SDHC: variants seen among roughly 807,000 people sequenced by gnomAD.
SDHC encodes the protein succinate dehydrogenase complex subunit C.
In SDHC, 11 loss-of-function variants were observed where a neutral mutation model predicts 22.6. The observed-to-expected ratio is 0.49, with a 90% confidence interval of 0.31 to 0.81. The LOEUF is 0.81. Among genes scored for constraint, SDHC ranks in the 30% least tolerant of loss-of-function variants. The probability of loss-of-function intolerance (pLI) is 0.05; values close to 1 mark genes in which losing one functional copy is unlikely to be tolerated. For synonymous variants in SDHC, 80 were observed against 77.8 expected (o/e 1.03, Z -0.15); for missense variants, 160 against 212.0 (o/e 0.75, Z 1.52).
intron 5 of SDHC, among the ~76,000 whole-genome samples, chr1:161,357,767 T>C (rs963462357): frequency 6.6e-6 from 1 of 152,228 alleles, no homozygotes; most frequent in Admixed American, 6.5e-5. Context: ...GTTTATGACA[T>C]AAATATTAAT....
rs1671723823 is a variant in SDHC, at chr1:161,341,739, C to G, written c.241+1084C>G. ...CTCCTACCCCCACCAAAAACAGAAA[C>G]AAAAACTAGATTATGTTCCCTGGAT... On this transcript the variant is annotated intron_variant, in intron 4 of 5. Transcript: ENST00000367975. Among the ~76,000 whole-genome samples the G allele has an allele frequency of 3.3e-5, 5 of 152,262 alleles. No individual in the cohort carries two copies. The South Asian group carries it at 1.0e-3, about 32-fold the overall frequency.
chr1:161,342,533 A>G (rs1671757302), intron 4 of SDHC, among the ~76,000 whole-genome samples: 1 of 147,068 alleles, frequency 6.8e-6, no homozygotes, highest in African/African-American at 2.5e-5. Flanking sequence ...TTTGAGACAG[A>G]GTTTCGCTCT....
chr1:161,346,341 TCTA>T (rs1250369909), intron 4 of SDHC, among the ~76,000 whole-genome samples: 1 of 152,152 alleles, frequency 6.6e-6, no homozygotes, highest in Non-Finnish European at 1.5e-5. Flanking sequence ...ATATATAGTC[TCTA>T]CTCTCAAGGA....
At chr1:161,346,936 A>G (rs1021879090) in intron 4 of SDHC, among the ~76,000 whole-genome samples, 1 of 152,222 alleles carries the variant, frequency 6.6e-6, no homozygotes, top group Non-Finnish European at 1.5e-5. Flanking sequence ...CTATGTAAAT[A>G]GTTATATTGT....
Position 161,356,668 on chromosome 1 carries a change from T to C in SDHC, c.242-9T>C. ...GCAGCTGTGACAAGCTACTTGGTTT[T>C]CTCCTCAGGGGTCTCTCTTTTTGGC... On this transcript the variant is annotated splice_polypyrimidine_tract_variant and intron_variant, in intron 4 of 5. Transcript: ENST00000367975. 1 of 1,613,776 alleles carries C rather than the reference T, an allele frequency of 6.2e-7. No homozygotes were observed. The highest frequency in any genetic ancestry group is 8.5e-7 in the Non-Finnish European group (1 of 1,179,856).
chr1:161,321,543 A>G (rs1670838103), intron 1 of SDHC, among the ~76,000 whole-genome samples: 1 of 152,188 alleles, frequency 6.6e-6, no homozygotes, highest in South Asian at 2.1e-4. Flanking sequence ...CGTGCCCTGC[A>G]ACTTCAGAGT....
In SDHC at chr1:161,356,852, C is replaced by A. The variant is rs575479448; in HGVS notation, c.405+12C>A. ...GGATCCGACACTTGGTAAGTTAATT[C>A]GGGATTTGCACATTTTCTCTGTGAA... On this transcript the variant is annotated intron_variant, in intron 5 of 5. Transcript: ENST00000367975. The A allele has an allele frequency of 1.9e-6, 3 of 1,612,808 alleles. No homozygotes were observed. In the South Asian group the frequency reaches 3.3e-5, roughly 18 times the overall value.
chr1:161,354,551 A>T (rs1473233337), intron 4 of SDHC, among the ~76,000 whole-genome samples: 1 of 149,978 alleles, frequency 6.7e-6, no homozygotes, highest in Non-Finnish European at 1.5e-5. Context: ...TGATGTGGGT[A>T]CTCTTTTTTG....
chr1:161,336,767 G>GA (rs769408126), intron 3 of SDHC, among the ~76,000 whole-genome samples: 2 of 152,182 alleles, frequency 1.3e-5, no homozygotes, highest in South Asian at 2.1e-4. Flanking sequence ...AAGAGGCCTG[G>GA]AAGTAAATGG....
At chr1:161,338,729 G>C (rs1306806142) in intron 3 of SDHC, among the ~76,000 whole-genome samples, 1 of 152,162 alleles carries the variant, frequency 6.6e-6, no homozygotes, top group Non-Finnish European at 1.5e-5. Flanking sequence ...TAATAAGGGA[G>C]GATTCAAGGA....
intron 1 of SDHC, among the ~76,000 whole-genome samples, chr1:161,320,536 C>CT (rs1013858467): frequency 2.1e-4 from 32 of 151,248 alleles, no homozygotes; most frequent in Admixed American, 6.6e-5. Flanking sequence ...CTTTGAATAA[C>CT]TTTTTTTTTC....
chr1:161,346,502 G>T (rs1671902883), intron 4 of SDHC, among the ~76,000 whole-genome samples: 1 of 151,454 alleles, frequency 6.6e-6, no homozygotes, highest in South Asian at 2.1e-4. Flanking sequence ...AGGTTCAAGT[G>T]ATTCTCCTGC....
chr1:161,344,682 G>A (rs754348825), intron 4 of SDHC, among the ~76,000 whole-genome samples: 1 of 152,100 alleles, frequency 6.6e-6, no homozygotes, highest in Non-Finnish European at 1.5e-5. Context: ...TTGCCAGGTG[G>A]ATGACTTAAG....
intron 4 of SDHC, among the ~76,000 whole-genome samples, chr1:161,349,700 T>C (rs1672037044): frequency 6.6e-6 from 1 of 152,190 alleles, no homozygotes; most frequent in African/African-American, 2.4e-5. Flanking sequence ...TTAAATATCA[T>C]CTGTTATACT....
intron 4 of SDHC, among the ~76,000 whole-genome samples, chr1:161,348,950 A>G (rs1056183430): frequency 2.0e-5 from 3 of 152,216 alleles, no homozygotes; most frequent in African/African-American, 4.8e-5. Context: ...AGAATGGCAG[A>G]TAGCTGAAGT....
Position 161,328,384 on chromosome 1 carries a change from G to C in SDHC, c.78-12G>C. On this transcript the variant is annotated splice_polypyrimidine_tract_variant and intron_variant, in intron 2 of 5. Coordinates refer to ENST00000367975, the MANE Select transcript of SDHC (RefSeq NM_003001.5). ...CTTTTAGTTATTTTCAAACGGTCTG[G>C]TTTTATTTTAGTGCTGTTCCTTTGG... The C allele has an allele frequency of 6.3e-7, 1 of 1,591,316 alleles. No homozygotes were observed. Among genetic ancestry groups the C allele is most frequent in the Non-Finnish European group, 8.6e-7 (1 of 1,159,778 alleles).
At chr1:161,317,024 T>TTTTC (rs200374524) in intron 1 of SDHC, among the ~76,000 whole-genome samples, 5,943 of 118,098 alleles carry the variant, frequency 0.05, 465 homozygotes, top group African/African-American at 0.21. Flanking sequence ...TTCTTTTTCT[T>TTTTC]TTTTTTTTTT....
At chr1:161,336,576 T>A (rs1671491842) in intron 3 of SDHC, among the ~76,000 whole-genome samples, 1 of 152,212 alleles carries the variant, frequency 6.6e-6, no homozygotes, top group Admixed American at 6.5e-5. Context: ...AGAATGGTTG[T>A]AGGTTGGTGA....
intron 3 of SDHC, among the ~76,000 whole-genome samples, chr1:161,331,697 G>A (rs1175121097): frequency 4.0e-5 from 6 of 150,346 alleles, no homozygotes; most frequent in Admixed American, 2.0e-4. Context: ...CCTGGTTCAC[G>A]CGGTTCTCCT....
Sources: allele counts gnomAD v4.1 joint callset (sites outside exome capture counted in the v4.1 genomes callset), GRCh38; gene constraint gnomAD v4.1.1; transcripts MANE v1.5; gene names NCBI Gene and HGNC (gene_info 2026-07-23, HGNC 2026-07-21).